ODR4: variants seen among roughly 807,000 people sequenced by gnomAD.
The protein encoded by ODR4 is odr-4 GPCR localization factor homolog.
ODR4 carries 47 observed loss-of-function variants against 60.2 expected under a neutral mutation model. The ratio of observed to expected loss-of-function variants is 0.78; its 90% CI spans 0.62 to 1.00. The LOEUF (loss-of-function observed/expected upper bound fraction) is 1.00, where lower values mean the gene tolerates loss of function less well. Among genes scored for constraint, ODR4 ranks in the 50% least tolerant of loss-of-function variants. The probability of loss-of-function intolerance (pLI) is 0.00; values close to 1 mark genes in which losing one functional copy is unlikely to be tolerated. For synonymous variants in ODR4, 178 were observed against 175.5 expected (o/e 1.01, Z -0.11); for missense variants, 488 against 530.8 (o/e 0.92, Z 0.79).
the ODR4 span, among the ~76,000 whole-genome samples, chr1:186,429,049 C>T: frequency 1.3e-5 from 2 of 152,038 alleles, no homozygotes; most frequent in African/African-American, 2.4e-5. Flanking sequence ...CTCTAGGCAA[C>T]GTGATGAAAT....
At chr1:186,433,254 T>C in the ODR4 span, among the ~76,000 whole-genome samples, 7,885 of 152,214 alleles carry the variant, frequency 0.052, 309 homozygotes, top group Non-Finnish European at 0.08. Flanking sequence ...TCTTCTTTTG[T>C]AATTTATGTT....
intron 11 of ODR4, chr1:186,401,242 A>G: frequency 1.4e-6 from 2 of 1,382,224 alleles, no homozygotes; most frequent in Non-Finnish European, 2.0e-6. Flanking sequence ...TACTGTTTGT[A>G]TGTTAAACTT....
downstream of ODR4, among the ~76,000 whole-genome samples, chr1:186,425,261 A>G (rs12752376): frequency 0.13 from 19,507 of 152,158 alleles, 1,581 homozygotes; most frequent in East Asian, 0.38. Flanking sequence ...GAAACTAAAG[A>G]CAAGTTTTCT....
At chr1:186,415,616 C>G (rs899470744) in intron 12 of ODR4, among the ~76,000 whole-genome samples, 4 of 152,136 alleles carry the variant, frequency 2.6e-5, no homozygotes, top group African/African-American at 9.7e-5. Flanking sequence ...CCAGCTTCAG[C>G]CTGGGTAGCA....
chr1:186,422,869 T>G (rs1661817967), downstream of ODR4, among the ~76,000 whole-genome samples: 2 of 152,092 alleles, frequency 1.3e-5, no homozygotes, highest in Non-Finnish European at 2.9e-5. Context: ...TGATAAAGAA[T>G]TATATGTTAA....
At chr1:186,377,993 C>G (rs7530424) in intron 1 of ODR4, among the ~76,000 whole-genome samples, 1 of 151,484 alleles carries the variant, frequency 6.6e-6, no homozygotes, top group Non-Finnish European at 1.5e-5. Context: ...TGCATTGAGC[C>G]GAGATCGCGC....
chr1:186,427,131 T>G, the ODR4 span, among the ~76,000 whole-genome samples: 19,374 of 152,120 alleles, frequency 0.13, 1,312 homozygotes, highest in Middle Eastern at 0.18. Context: ...TTGCTGAAGG[T>G]TGGGGTGGCC....
chr1:186,388,247 TGAGGTGA>T (rs1451846559), intron 4 of ODR4, among the ~76,000 whole-genome samples, 188 bp from the exon 5 acceptor site: 7 of 152,346 alleles, frequency 4.6e-5, no homozygotes, highest in Admixed American at 2.0e-4. Context: ...CTTGGGAAGC[TGAGGTGA>T]GAGAATCACT....
intron 7 of ODR4, 107 bp downstream of exon 7, chr1:186,390,958 C>G: frequency 8.4e-7 from 1 of 1,188,688 alleles, no homozygotes. Context: ...TTACATTCTG[C>G]TTACAATGTT....
intron 4 of ODR4, 40 bp from the exon 5 acceptor site, chr1:186,388,401 TC>T: frequency 8.4e-7 from 1 of 1,193,768 alleles, no homozygotes; most frequent in Non-Finnish European, 1.2e-6. Flanking sequence ...TCTTTTTTTT[TC>T]ATTTTACATT....
intron 12 of ODR4, among the ~76,000 whole-genome samples, chr1:186,412,177 G>A (rs1661403737): frequency 1.3e-5 from 2 of 152,084 alleles, no homozygotes; most frequent in South Asian, 4.1e-4. Context: ...AAAGAAATGA[G>A]TTATTTCAAA....
downstream of ODR4, among the ~76,000 whole-genome samples, chr1:186,424,525 TAACA>T (rs1266935811): frequency 6.6e-6 from 1 of 152,152 alleles, no homozygotes; most frequent in Admixed American, 6.5e-5. Context: ...TGTCTGTTAC[TAACA>T]AACTACCCTC....
intron 1 of ODR4, among the ~76,000 whole-genome samples, chr1:186,377,066 C>T (rs1294330808): frequency 6.6e-6 from 1 of 152,120 alleles, no homozygotes; most frequent in Non-Finnish European, 1.5e-5. Flanking sequence ...GATATGAAAT[C>T]CATGGATGCT....
rs528558060 is a variant in ODR4 at position 186,382,929 on chromosome 1, G to T, written c.100-93G>T. On this transcript the variant is annotated intron_variant, in intron 2 of 13. Coordinates refer to ENST00000287859, the MANE Select transcript of ODR4 (RefSeq NM_017847.6). ...CTGTTACAAATATTACTCAGTTTTT[G>T]CATGTCATAAAAGCTAAGGAATTTA... The T allele has an allele frequency of 1.6e-5, 21 of 1,282,386 alleles. No homozygotes were observed. The African/African-American group carries it at 3.0e-4, about 18-fold the overall frequency. The allele number at this position is 1,282,386 out of a possible 1,614,324, so 79.4% of individuals were successfully genotyped here.
intron 13 of ODR4, 24 bp from the exon 14 acceptor site, chr1:186,418,985 G>A: frequency 6.3e-7 from 1 of 1,587,492 alleles, no homozygotes; most frequent in Middle Eastern, 1.7e-4. Flanking sequence ...ATTTTCATTT[G>A]TTCTGTGTTT....
rs1228817021 is a variant in ODR4 at position 186,399,041 on chromosome 1, A to G, written c.997A>G (p.Lys333Glu). 6.2e-7 allele frequency: 1 copy of G among 1,604,898 alleles called. No individual in the cohort carries two copies. Among genetic ancestry groups the G allele is most frequent in the Non-Finnish European group, 8.5e-7 (1 of 1,173,800 alleles). Reference protein sequence around the residue: ...DLLLNEIPEKKDSEKEFHVLP... With the variant: ...DLLLNEIPEKEDSEKEFHVLP... ...GCTTTTGAATGAAATTCCAGAAAAA[A>G]AAGTTATGAGTATAAAATAAGTACT... The change falls in exon 11 of 14, where the codon AAA (lysine) becomes GAA (glutamate). Residue 333 changes from lysine to glutamate, a missense_variant. Physicochemically the swap from Lys to Glu is moderately conservative, Grantham distance 56. Transcript: ENST00000287859.
intron 3 of ODR4, among the ~76,000 whole-genome samples, chr1:186,384,583 A>T (rs1268062029): frequency 6.6e-6 from 1 of 151,862 alleles, no homozygotes; most frequent in Non-Finnish European, 1.5e-5. Context: ...ACACACACAC[A>T]CACACACACA....
downstream of ODR4, among the ~76,000 whole-genome samples, chr1:186,421,817 G>C (rs1037261876): frequency 1.4e-5 from 2 of 141,000 alleles, no homozygotes; most frequent in Non-Finnish European, 3.0e-5. Context: ...TGAGGAGATT[G>C]CACCACTGCA....
intron 3 of ODR4, 110 bp downstream of exon 3, chr1:186,383,266 A>C (rs1660111603): frequency 1.6e-6 from 2 of 1,212,846 alleles, no homozygotes; most frequent in Admixed American, 5.9e-5. Context: ...AAAGTAGCTA[A>C]AGATGACTGA....
Sources: gnomAD v4.1 joint callset for allele counts (sites outside exome capture counted in the v4.1 genomes callset) on GRCh38, gnomAD v4.1.1 for gene constraint, MANE v1.5 for transcripts, NCBI Gene and HGNC (gene_info 2026-07-23, HGNC 2026-07-21) for gene names.